ASB2: variants seen among roughly 807,000 people sequenced by gnomAD.
The protein encoded by ASB2 is ankyrin repeat and SOCS box protein 2.
ASB2 carries 58 observed loss-of-function variants against 62.4 expected under a neutral mutation model. The observed-to-expected ratio is 0.93, with a 90% CI of 0.75 to 1.16. The LOEUF (loss-of-function observed/expected upper bound fraction) is 1.16, where lower values mean the gene tolerates loss of function less well. ASB2 is among the 50% of genes most tolerant of loss of function. ASB2 has a pLI of 0.00. For missense variants in ASB2, 928 were observed against 887.9 expected (o/e 1.05, Z -0.57); for synonymous variants, 386 against 385.3 (o/e 1.00, Z -0.02).
intron 1 of ASB2, among the ~76,000 whole-genome samples, chr14:93,970,289 T>A (rs1456499504): frequency 2.6e-5 from 4 of 152,142 alleles, no homozygotes; most frequent in Non-Finnish European, 5.9e-5. Flanking sequence ...GAGGCTTGGG[T>A]CATGCCAGGG....
At position 93,964,384 on chromosome 14, in the gene ASB2, G is replaced by A. The variant is rs774771976; in HGVS notation, c.156C>T (p.Thr52=). ...GTTGGCGGTTGGTACATGCAGACGC[G>A]GTGGCCTCAGCAGTGGTTGGGCCCC... The part of the protein sequence containing the change: ...KTRGPTTAEA[T]ASACTNRQPA... Residue 52 remains threonine (T), a synonymous_variant, in exon 2 of 10, where the codon ACC becomes ACT. Coordinates refer to ENST00000555019, the MANE Select transcript of ASB2 (RefSeq NM_001202429.2). 22 of 1,536,098 alleles carry A rather than the reference G, an allele frequency of 1.4e-5. No homozygotes were observed. The highest frequency in any genetic ancestry group is 1.7e-4 in the Middle Eastern group (1 of 5,990).
chr14:93,969,627 T>C (rs1051048904), intron 1 of ASB2, among the ~76,000 whole-genome samples: 2 of 152,090 alleles, frequency 1.3e-5, no homozygotes, highest in Admixed American at 6.5e-5. Context: ...GGGAGGCTGA[T>C]TGGAATCAAA....
chr14:93,972,044 A>T (rs2141323314), intron 1 of ASB2, among the ~76,000 whole-genome samples: 1 of 148,032 alleles, frequency 6.8e-6, no homozygotes, highest in South Asian at 2.1e-4. Context: ...TTAATAATAT[A>T]ATATATATTA....
intron 5 of ASB2, among the ~76,000 whole-genome samples, chr14:93,953,035 C>T (rs1854350976): frequency 6.6e-6 from 1 of 152,210 alleles, no homozygotes; most frequent in Non-Finnish European, 1.5e-5. Flanking sequence ...GCCCCTCCCC[C>T]ATGCTCCCAC....
At chr14:93,972,725 G>A (rs1444490308) in intron 1 of ASB2, among the ~76,000 whole-genome samples, 1 of 152,176 alleles carries the variant, frequency 6.6e-6, no homozygotes, top group Non-Finnish European at 1.5e-5. Context: ...AAGGAAGGGG[G>A]GATGGAATCC....
intron 2 of ASB2, among the ~76,000 whole-genome samples, chr14:93,963,914 A>G (rs891941281): frequency 6.6e-6 from 1 of 152,148 alleles, no homozygotes; most frequent in South Asian, 2.1e-4. Context: ...GAAGAAGGAG[A>G]CAGGATGGCT....
At chr14:93,938,840 T>G (rs1451977539) in intron 8 of ASB2, among the ~76,000 whole-genome samples, 4 of 152,218 alleles carry the variant, frequency 2.6e-5, no homozygotes, top group South Asian at 2.1e-4. Flanking sequence ...CCGGTTCCGC[T>G]GCCTCCAAAG....
At chr14:93,949,367 G>T (rs549278556) in intron 6 of ASB2, among the ~76,000 whole-genome samples, 4 of 152,232 alleles carry the variant, frequency 2.6e-5, no homozygotes, top group Non-Finnish European at 5.9e-5. Context: ...TGCAGTCTCA[G>T]AAAGCCTTTA....
At chr14:93,959,048 A>T (rs11621106) in intron 2 of ASB2, among the ~76,000 whole-genome samples, 13,690 of 152,136 alleles carry the variant, frequency 0.09, 649 homozygotes, top group African/African-American at 0.11. Flanking sequence ...ATGTTCACAA[A>T]GTCATGCCGA....
intron 8 of ASB2, among the ~76,000 whole-genome samples, chr14:93,938,233 CTTTTTTTTTTTTT>C (rs35127276): frequency 1.5e-5 from 1 of 67,586 alleles, no homozygotes; most frequent in African/African-American, 6.0e-5. Context: ...TAAGTTCTGA[CTTTTTTTTTTTTT>C]TTTTTTTTTT....
At chr14:93,972,919 G>C in intron 1 of ASB2, among the ~76,000 whole-genome samples, 1 of 152,190 alleles carries the variant, frequency 6.6e-6, no homozygotes, top group South Asian at 2.1e-4. Flanking sequence ...ACCCACAAAG[G>C]CCAAGCTTCC....
Position 93,934,674 on chromosome 14 carries a change from T to G in ASB2, c.1890A>C (p.Lys630Asn). The part of the protein sequence containing the change: ...PLPGRLIRYL[K>N]YENTQ ...GCCCCAGTTACTGGGTGTTCTCGTA[T>G]TTCAGGTATCTAATCAGCCTGCCTG... is the stretch of plus-strand genomic sequence containing the variant. The change falls in exon 10 of 10, where the codon AAA (lysine) becomes AAC (asparagine). Residue 630 changes from lysine (K) to asparagine (N), a missense_variant. Transcript: ENST00000555019. 1 of 1,614,156 alleles carries G rather than the reference T, an allele frequency of 6.2e-7. No homozygotes were observed. Among genetic ancestry groups the G allele is most frequent in the Non-Finnish European group, 8.5e-7 (1 of 1,180,022 alleles).
chr14:93,949,831 C>T (rs1595311911), intron 6 of ASB2, among the ~76,000 whole-genome samples: 1 of 152,172 alleles, frequency 6.6e-6, no homozygotes, highest in East Asian at 1.9e-4. Context: ...TCCCAGGACC[C>T]TGCCTGTGCC....
chr14:93,948,306 T>G (rs531692406), intron 6 of ASB2: 3 of 154,362 alleles, frequency 1.9e-5, no homozygotes, highest in African/African-American at 7.2e-5. Flanking sequence ...GAGGCCATGG[T>G]GGATATTCTG....
At chr14:93,962,057 T>G (rs1889424163) in intron 2 of ASB2, among the ~76,000 whole-genome samples, 1 of 151,350 alleles carries the variant, frequency 6.6e-6, no homozygotes, top group Non-Finnish European at 1.5e-5. Flanking sequence ...GGCAGGCACA[T>G]GGGAGGTGCT....
chr14:93,947,360 C>T lies in ASB2; in HGVS notation c.1041G>A (p.Lys347=). Residue 347 remains lysine (K), a synonymous_variant, in exon 7 of 10, where the codon AAG becomes AAA. Coordinates refer to ENST00000555019, the MANE Select transcript of ASB2 (RefSeq NM_001202429.2). ...GAGCCTGGGCTGACCTGTAGTTGCC[C>T]TTCTTGGAGGCGATGTGCAGCGGGA... ...GLLPLHIASK[K]GNYRIVQMLL... The T allele has an allele frequency of 6.2e-7, 1 of 1,614,142 alleles. No homozygotes were observed. Among genetic ancestry groups the T allele is most frequent in the Admixed American group, 1.7e-5 (1 of 60,032 alleles).
At chr14:93,961,100 T>A (rs942026584) in intron 2 of ASB2, among the ~76,000 whole-genome samples, 1 of 152,004 alleles carries the variant, frequency 6.6e-6, no homozygotes, top group Non-Finnish European at 1.5e-5. Flanking sequence ...GAGGCCATCA[T>A]GAGATTGGTG....
Position 93,934,565 on chromosome 14 carries a change from T to C in ASB2, c.*91A>G, listed in dbSNP as rs1888200551. The C allele has an allele frequency of 7.2e-7, 1 of 1,390,214 alleles. No individual in the cohort carries two copies. The highest frequency in any genetic ancestry group is 2.3e-5 in the East Asian group (1 of 43,546). 86.1% of individuals were successfully genotyped at this position (1,390,214 alleles called of 1,614,324 possible). ...GGGAGGCAGCCTGCAGCCTCGTCTG[T>C]CACCAGGTCCCCTTGGAGTTGGGAA... On this transcript the variant is annotated 3_prime_UTR_variant, in exon 10 of 10. Transcript: ENST00000555019.
intron 7 of ASB2, among the ~76,000 whole-genome samples, chr14:93,946,418 A>G (rs1386802550): frequency 6.6e-6 from 1 of 152,206 alleles, no homozygotes; most frequent in Non-Finnish European, 1.5e-5. Flanking sequence ...GGAATGCTTA[A>G]AAACTGGCTC....
Sources: allele counts gnomAD v4.1 joint callset (sites outside exome capture counted in the v4.1 genomes callset), GRCh38; gene constraint gnomAD v4.1.1; transcripts MANE v1.5; gene names NCBI Gene and HGNC (gene_info 2026-07-23, HGNC 2026-07-21).